SORCS1: variants seen among roughly 807,000 people sequenced by gnomAD.
SORCS1 encodes the protein VPS10 domain-containing receptor SorCS1.
SORCS1 carries 60 observed loss-of-function variants against 146.1 expected under a neutral mutation model. That is an observed-to-expected ratio of 0.41 (90% CI 0.33 to 0.51). The LOEUF (loss-of-function observed/expected upper bound fraction) is 0.51, where lower values mean the gene tolerates loss of function less well. Among genes scored for constraint, SORCS1 ranks in the 20% least tolerant of loss-of-function variants. The pLI is 0.21. For synonymous variants in SORCS1, 637 were observed against 584.0 expected, an observed-to-expected ratio of 1.09 and a Z score of -1.31; for missense variants, 1,352 against 1,487.6, an observed-to-expected ratio of 0.91 and a Z score of 1.50.
intron 23 of SORCS1, among the ~76,000 whole-genome samples, chr10:106,603,609 G>T (rs1160934121): frequency 6.6e-6 from 1 of 152,118 alleles, no homozygotes; most frequent in Non-Finnish European, 1.5e-5. Context: ...TTCTTTCACT[G>T]CAGGGGGATC....
chr10:106,902,241 T>C (rs948118984), intron 2 of SORCS1, among the ~76,000 whole-genome samples: 2 of 152,154 alleles, frequency 1.3e-5, no homozygotes, highest in Non-Finnish European at 2.9e-5. Context: ...CAACTTGACC[T>C]AGCAATTTTT....
At chr10:107,025,031 A>C (rs6584783) in intron 1 of SORCS1, among the ~76,000 whole-genome samples, 14,640 of 152,204 alleles carry the variant, frequency 0.096, 1,576 homozygotes, top group African/African-American at 0.27. Flanking sequence ...AATCAACCAC[A>C]AAATCACCTG....
At chr10:107,072,961 T>C (rs1565002566) in intron 1 of SORCS1, among the ~76,000 whole-genome samples, 1 of 152,182 alleles carries the variant, frequency 6.6e-6, no homozygotes, top group Non-Finnish European at 1.5e-5. Context: ...AGGCCCCTTG[T>C]GCCCTAACGC....
chr10:106,878,400 T>C (rs1476935604), intron 2 of SORCS1, among the ~76,000 whole-genome samples: 1 of 151,668 alleles, frequency 6.6e-6, no homozygotes, highest in Non-Finnish European at 1.5e-5. Flanking sequence ...TATTAGGAGC[T>C]GGAGACCTTG....
At chr10:106,654,309 G>C (rs1850110685) in intron 17 of SORCS1, among the ~76,000 whole-genome samples, 1 of 152,206 alleles carries the variant, frequency 6.6e-6, no homozygotes, top group Non-Finnish European at 1.5e-5. Flanking sequence ...ACAGATGGAA[G>C]AATTGAGATT....
chr10:106,902,458 C>T (rs1321341091), intron 2 of SORCS1, among the ~76,000 whole-genome samples: 1 of 151,994 alleles, frequency 6.6e-6, no homozygotes, highest in Non-Finnish European at 1.5e-5. Flanking sequence ...CATTAGAATA[C>T]TTAAACATTA....
intron 2 of SORCS1, among the ~76,000 whole-genome samples, chr10:106,896,706 A>C (rs1485885393): frequency 6.6e-6 from 1 of 151,222 alleles, no homozygotes. Context: ...CACTAGATCC[A>C]CTCTCCCTGG....
chr10:107,153,328 A>G (rs1320890072), intron 1 of SORCS1, among the ~76,000 whole-genome samples: 1 of 152,158 alleles, frequency 6.6e-6, no homozygotes, highest in Non-Finnish European at 1.5e-5. Flanking sequence ...GTTGCTGTGA[A>G]TGTATACAGA....
At chr10:107,163,888 C>G (rs985729493) in intron 1 of SORCS1, 81 bp downstream of exon 1, 1 of 1,465,816 alleles carries the variant, frequency 6.8e-7, no homozygotes, top group Non-Finnish European at 9.2e-7. Context: ...CTATTTCCCC[C>G]CAATTCTCCA....
chr10:107,075,373 G>T (rs746800962), intron 1 of SORCS1, among the ~76,000 whole-genome samples: 30 of 152,108 alleles, frequency 2.0e-4, no homozygotes, highest in Non-Finnish European at 3.7e-4. Flanking sequence ...GAAAACAAAG[G>T]TCTTCTATGA....
At chr10:106,829,548 T>C in intron 3 of SORCS1, 26 bp downstream of exon 3, 1 of 1,514,150 alleles carries the variant, frequency 6.6e-7, no homozygotes, top group African/African-American at 1.4e-5. Flanking sequence ...CATGAATGAG[T>C]AGCATGCTGA....
intron 2 of SORCS1, among the ~76,000 whole-genome samples, chr10:106,914,560 C>T (rs1244243826): frequency 6.6e-6 from 1 of 152,106 alleles, no homozygotes; most frequent in Non-Finnish European, 1.5e-5. Flanking sequence ...TCAATGGCGG[C>T]CATGCTCTGT....
chr10:107,141,045 C>A (rs192432599), intron 1 of SORCS1, among the ~76,000 whole-genome samples: 231 of 152,326 alleles, frequency 1.5e-3, no homozygotes, highest in Non-Finnish European at 2.7e-3. Context: ...TCAGTCTCTA[C>A]AGTCCTCAGA....
At chr10:106,732,085 T>C (rs1244264705) in intron 5 of SORCS1, among the ~76,000 whole-genome samples, 1 of 152,230 alleles carries the variant, frequency 6.6e-6, no homozygotes, top group Non-Finnish European at 1.5e-5. Flanking sequence ...TCACTCTTCA[T>C]CTGGAGAAAA....
chr10:106,821,350 T>TCTTCTTAGTCCACTTAGA (rs1457035145), intron 3 of SORCS1, among the ~76,000 whole-genome samples: 20 of 152,356 alleles, frequency 1.3e-4, no homozygotes, highest in Admixed American at 1.2e-3. Context: ...AAGAGATTTA[T>TCTTCTTAGTCCACTTAGA]AGGTGGACCT....
intron 9 of SORCS1, among the ~76,000 whole-genome samples, chr10:106,690,234 C>T (rs1342650653): frequency 3.3e-5 from 5 of 152,212 alleles, no homozygotes; most frequent in Non-Finnish European, 1.5e-5. Context: ...CTGTTACATA[C>T]TCAAATATGA....
chr10:106,877,640 G>A (rs1227431008), intron 2 of SORCS1, among the ~76,000 whole-genome samples: 1 of 152,114 alleles, frequency 6.6e-6, no homozygotes, highest in East Asian at 1.9e-4. Flanking sequence ...TAGGATTTGT[G>A]GGATTCGAAT....
intron 1 of SORCS1, among the ~76,000 whole-genome samples, chr10:107,041,894 C>T (rs1423042997): frequency 1.3e-5 from 2 of 152,074 alleles, no homozygotes; most frequent in African/African-American, 2.4e-5. Context: ...ATCTTTTAGG[C>T]TTTGATAACA....
In SORCS1 at chr10:107,110,272, C is replaced by T. The variant is rs886596031; in HGVS notation, c.558+53697G>A. On this transcript the variant is annotated intron_variant, in intron 1 of 25. Coordinates refer to ENST00000263054, the MANE Select transcript of SORCS1 (RefSeq NM_052918.5). Reference sequence around the variant, plus strand: ...ATAGCAATACCCAACTCATTAGTACCGATTTTCTATATTAGGCCATTCTTA... The same window carrying T: ...ATAGCAATACCCAACTCATTAGTACTGATTTTCTATATTAGGCCATTCTTA... 4.7e-4 allele frequency among the ~76,000 whole-genome samples: 72 copies of T among 152,012 alleles called. 4 individuals carry two copies. The highest frequency in any genetic ancestry group is 1.3e-4 in the Admixed American group (2 of 15,258).
Sources: allele counts gnomAD v4.1 joint callset (sites outside exome capture counted in the v4.1 genomes callset), GRCh38; gene constraint gnomAD v4.1.1; transcripts MANE v1.5; gene names NCBI Gene and HGNC (gene_info 2026-07-23, HGNC 2026-07-21).